Variants in BEST3 observed in about 807,000 individuals in gnomAD.
The protein encoded by BEST3 is bestrophin-3.
BEST3 carries 50 observed loss-of-function variants against 47.1 expected under a neutral mutation model. That is an observed-to-expected ratio of 1.06 (90% CI 0.85 to 1.34). The LOEUF (loss-of-function observed/expected upper bound fraction) is 1.34, where lower values mean the gene tolerates loss of function less well. BEST3 is among the 40% of genes most tolerant of loss of function. The pLI is 0.00. For synonymous variants in BEST3, 282 were observed against 298.8 expected (o/e 0.94, Z 0.58); for missense variants, 765 against 817.0 (o/e 0.94, Z 0.78).
chr12:69,677,223 A>G lies in BEST3; in HGVS notation c.671T>C (p.Leu224Ser), dbSNP rs1884979917. The G allele has an allele frequency of 7.4e-6, 12 of 1,613,698 alleles. No homozygotes were observed. The highest frequency in any genetic ancestry group is 1.0e-5 in the Non-Finnish European group (12 of 1,179,788). Reference protein sequence around the residue: ...MNRYRSWCSLLFGYDWVGIPL... With the variant: ...MNRYRSWCSLSFGYDWVGIPL... ...AATCCCAACCCAGTCATAACCGAAT[A>G]AGAGGCTGCACCAAGAGCGGTATCG... is the stretch of plus-strand genomic sequence containing the variant. The change falls in exon 6 of 10, where the codon TTA becomes TCA. Residue 224 changes from leucine (L) to serine (S), a missense_variant. Leu to Ser is a moderately radical substitution (Grantham distance 145, BLOSUM62 -2). Transcript: ENST00000330891.
rs1481942561 is a variant in BEST3, at chr12:69,671,493, TG to T, written c.1034del (p.Pro345HisfsTer47). On this transcript the variant is annotated frameshift_variant, in exon 9 of 10. Transcript: ENST00000330891. LOFTEE classifies it high-confidence loss of function. ...AGTCAGCAGCTGCCAATGTGTATGG[TG>T]GGCGAGCAGCAGAATCGTCCCAGTA... ...DIYWDDSAAR[P>X]PYTLAAADYC... 1 of 1,614,114 alleles carries T rather than the reference TG, an allele frequency of 6.2e-7. No individual in the cohort carries two copies. The highest frequency in any genetic ancestry group is 2.2e-5 in the East Asian group (1 of 44,890).
At chr12:69,651,731 T>C (rs996774899), downstream of BEST3, among the ~76,000 whole-genome samples, 1 of 147,032 alleles carries the variant, frequency 6.8e-6, no homozygotes, top group African/African-American at 2.5e-5. Flanking sequence ...GCAGAGATTG[T>C]GCCACTGCAC....
intron 7 of BEST3, 137 bp downstream of exon 7, chr12:69,676,779 A>C: frequency 1.0e-6 from 1 of 959,502 alleles, no homozygotes; most frequent in Non-Finnish European, 1.6e-6. Flanking sequence ...GAAAAGTAAT[A>C]ACATTGCTGA....
chr12:69,644,450 T>C (rs1301324233), intron 9 of BEST3, among the ~76,000 whole-genome samples: 7 of 152,170 alleles, frequency 4.6e-5, no homozygotes, highest in Non-Finnish European at 1.0e-4. Flanking sequence ...GGGAGGAGGA[T>C]TGTAAGAGGT....
At chr12:69,697,510 A>G (rs1485265173) in intron 2 of BEST3, 137 bp downstream of exon 2, 12 of 617,934 alleles carry the variant, frequency 1.9e-5, no homozygotes, top group Non-Finnish European at 3.2e-5. Context: ...CCTGAGGGGA[A>G]GAAGACAAAT....
intron 2 of BEST3, among the ~76,000 whole-genome samples, chr12:69,697,383 T>G (rs1437179151): frequency 1.3e-5 from 2 of 152,222 alleles, no homozygotes; most frequent in Non-Finnish European, 2.9e-5. Flanking sequence ...CCTTCCATTT[T>G]GTGCCTATTG....
In BEST3 at chr12:69,655,546, T is replaced by C. The variant is rs1023258196; in HGVS notation, c.1368A>G (p.Pro456=). ...ASPTWKKSCF[P]EGSPTLHFSM... Reference sequence around the variant, plus strand: ...TGAAGTGCAGCGTGGGGCTTCCTTCTGGGAAGCAGGATTTCTTCCAGGTGG... The same window carrying C: ...TGAAGTGCAGCGTGGGGCTTCCTTCCGGGAAGCAGGATTTCTTCCAGGTGG... Residue 456 remains proline, a synonymous_variant, in exon 10 of 10, where the codon CCA becomes CCG. Coordinates refer to ENST00000330891, the MANE Select transcript of BEST3 (RefSeq NM_032735.3). 2.5e-6 allele frequency: 4 copies of C among 1,614,070 alleles called. No homozygotes were observed. Among genetic ancestry groups the C allele is most frequent in the Non-Finnish European group, 1.7e-6 (2 of 1,179,982 alleles).
rs563762545 is a variant in BEST3, at chr12:69,676,916, C to T, written c.867G>A (p.Lys289=). The change falls in exon 7 of 10, where the codon AAG becomes AAA. Residue 289 remains lysine, a splice_region_variant and synonymous_variant. Coordinates refer to ENST00000330891, the MANE Select transcript of BEST3 (RefSeq NM_032735.3). ...LQFFFYAGWL[K]VAEQLINPFG... ...GTGGGGCCCTGAGACCACTGGCTACCTTAAGCCATCCTGCATAGAAGAAGA... is the reference window on the plus strand; with the variant it reads ...GTGGGGCCCTGAGACCACTGGCTACTTTAAGCCATCCTGCATAGAAGAAGA... 6 of 1,613,352 alleles carry T rather than the reference C, an allele frequency of 3.7e-6. No individual in the cohort carries two copies. The East Asian group carries it at 1.3e-4, about 36-fold the overall frequency.
intron 4 of BEST3, among the ~76,000 whole-genome samples, chr12:69,691,914 C>T (rs758134431): frequency 2.0e-5 from 3 of 152,212 alleles, no homozygotes; most frequent in African/African-American, 7.2e-5. Flanking sequence ...CCATCACTCA[C>T]CAGTCAAAAC....
At chr12:69,643,587 C>T (rs1036448598) in exon 10 of BEST3, 4 of 564,114 alleles carry the variant, frequency 7.1e-6, no homozygotes, top group Non-Finnish European at 1.3e-5. Context: ...CTCCACATGC[C>T]TGGATGCTAA....
At chr12:69,671,280 GCAGC>G in intron 9 of BEST3, 144 bp downstream of exon 9, 1 of 769,748 alleles carries the variant, frequency 1.3e-6, no homozygotes, top group Non-Finnish European at 1.9e-6. Flanking sequence ...TCCTCCAACT[GCAGC>G]CTCCCCAAGT....
chr12:69,698,830 C>T (rs551358000), intron 1 of BEST3, among the ~76,000 whole-genome samples: 5 of 152,342 alleles, frequency 3.3e-5, no homozygotes, highest in Admixed American at 6.5e-5. Flanking sequence ...GCTACGTTTA[C>T]AGCATTTTCT....
In BEST3 at chr12:69,654,503, G is replaced by T; in HGVS notation, c.*404C>A. On this transcript the variant is annotated 3_prime_UTR_variant, in exon 10 of 10. Coordinates refer to ENST00000330891, the MANE Select transcript of BEST3 (RefSeq NM_032735.3). ...TTATGGCTAAAGAAAAAAAGAAAGA[G>T]AAAAAAGAAGAGAAATAGAGAACCC... The T allele has an allele frequency of 1.0e-6, 1 of 990,166 alleles. No individual in the cohort carries two copies. The highest frequency in any genetic ancestry group is 1.2e-6 in the Non-Finnish European group (1 of 833,288). 61.3% of individuals were successfully genotyped at this position (990,166 alleles called of 1,614,324 possible).
At chr12:69,644,017 C>A (rs1882955488) in intron 9 of BEST3, among the ~76,000 whole-genome samples, 2 of 152,162 alleles carry the variant, frequency 1.3e-5, no homozygotes, top group South Asian at 4.1e-4. Context: ...GGCACCCAAA[C>A]CAGCTTTGAC....
intron 9 of BEST3, chr12:69,660,535 T>A (rs1883809219): frequency 6.6e-6 from 1 of 152,148 alleles, no homozygotes; most frequent in African/African-American, 2.4e-5. Flanking sequence ...AGAGGTCTGC[T>A]CCAATGGTGA....
At chr12:69,685,439 G>A (rs1292532818) in intron 4 of BEST3, among the ~76,000 whole-genome samples, 5 of 152,186 alleles carry the variant, frequency 3.3e-5, no homozygotes, top group Admixed American at 6.5e-5. Context: ...TTCTAGTGCA[G>A]CTGTTCCTAA....
chr12:69,664,307 C>T (rs560566363), intron 9 of BEST3, among the ~76,000 whole-genome samples: 3 of 152,328 alleles, frequency 2.0e-5, no homozygotes, highest in African/African-American at 7.2e-5. Flanking sequence ...GATTAAGACA[C>T]GATGACTAGA....
At chr12:69,692,731 G>T (rs1428805894) in intron 4 of BEST3, among the ~76,000 whole-genome samples, 1 of 152,134 alleles carries the variant, frequency 6.6e-6, no homozygotes, top group Non-Finnish European at 1.5e-5. Flanking sequence ...GTATAGTGCT[G>T]GAAAACTGTA....
chr12:69,687,087 C>T (rs934687607), intron 4 of BEST3, among the ~76,000 whole-genome samples: 11 of 152,312 alleles, frequency 7.2e-5, no homozygotes, highest in East Asian at 3.9e-4. Flanking sequence ...ATAAAGCTAA[C>T]GTTCCTTTTA....
Sources: allele counts gnomAD v4.1 joint callset (sites outside exome capture counted in the v4.1 genomes callset), GRCh38; gene constraint gnomAD v4.1.1; transcripts MANE v1.5; gene names NCBI Gene and HGNC (gene_info 2026-07-23, HGNC 2026-07-21).